CPQ: variants seen among roughly 807,000 people sequenced by gnomAD.
The protein encoded by CPQ is Ser-Met dipeptidase.
A neutral mutation model predicts 45.7 loss-of-function variants in CPQ; 37 were observed. The ratio of observed to expected loss-of-function variants is 0.81; its 90% CI spans 0.62 to 1.07. The LOEUF is 1.07. Among genes scored for constraint, CPQ ranks in the 50% least tolerant of loss-of-function variants. The pLI is 0.00. For missense variants in CPQ, 537 were observed against 572.9 expected, an observed-to-expected ratio of 0.94 and a Z score of 0.64; for synonymous variants, 186 against 205.8, an observed-to-expected ratio of 0.90 and a Z score of 0.82.
intron 7 of CPQ, among the ~76,000 whole-genome samples, chr8:97,117,353 C>T (rs1446309286): frequency 2.0e-5 from 3 of 152,080 alleles, no homozygotes; most frequent in African/African-American, 7.2e-5. Context: ...GAGTGACTAT[C>T]TCATCTCAGT....
rs149894264 is a variant in CPQ at position 96,688,095 on chromosome 8, T to C, written c.-35+42693T>C. 1.4e-3 allele frequency among the ~76,000 whole-genome samples: 219 copies of C among 152,208 alleles called. 1 individual carries two copies. Among genetic ancestry groups the C allele is most frequent in the African/African-American group, 4.8e-3 (200 of 41,534 alleles). The stretch of plus-strand genomic sequence containing the variant: ...ATTTAAGACTTCTGTTTTCTGTAGG[T>C]TTTTCTTTATTGATATTGCTTCTGT... On this transcript the variant is annotated intron_variant, in intron 1 of 7. Coordinates refer to ENST00000220763, the MANE Select transcript of CPQ (RefSeq NM_016134.4).
intron 5 of CPQ, among the ~76,000 whole-genome samples, chr8:96,995,823 T>C (rs1246323688): frequency 1.3e-5 from 2 of 152,016 alleles, no homozygotes; most frequent in African/African-American, 2.4e-5. Context: ...CCTCTCCCTC[T>C]TTCCACCATC....
At chr8:96,938,383 C>G (rs1369616088) in intron 4 of CPQ, among the ~76,000 whole-genome samples, 1 of 152,144 alleles carries the variant, frequency 6.6e-6, no homozygotes, top group Non-Finnish European at 1.5e-5. Context: ...GGTGACAGAG[C>G]AGGACCCTGG....
chr8:96,886,236 A>G (rs1586438633), intron 4 of CPQ, among the ~76,000 whole-genome samples: 1 of 152,156 alleles, frequency 6.6e-6, no homozygotes, highest in African/African-American at 2.4e-5. Context: ...GGGCTAAAGC[A>G]GTCCTCTGGA....
chr8:97,068,218 A>T (rs1810672707), intron 7 of CPQ, among the ~76,000 whole-genome samples: 1 of 152,158 alleles, frequency 6.6e-6, no homozygotes, highest in Admixed American at 6.6e-5. Context: ...GGTTAATTTG[A>T]TTCTTTTCAC....
chr8:97,126,913 A>G (rs765285705), intron 7 of CPQ, among the ~76,000 whole-genome samples: 34 of 152,204 alleles, frequency 2.2e-4, no homozygotes, highest in Admixed American at 1.7e-3. Flanking sequence ...AGGTTATTCA[A>G]CGGGAAAAGG....
At chr8:97,062,901 T>TCTC (rs1810576288) in intron 6 of CPQ, among the ~76,000 whole-genome samples, 1 of 152,222 alleles carries the variant, frequency 6.6e-6, no homozygotes, top group Non-Finnish European at 1.5e-5. Context: ...TGATTCCATG[T>TCTC]CTCTGTTATT....
intron 7 of CPQ, among the ~76,000 whole-genome samples, chr8:97,078,806 T>TCTCTCTCC (rs1810897785): frequency 1.4e-5 from 2 of 138,388 alleles, no homozygotes; most frequent in East Asian, 2.1e-4. Context: ...TCTCTCTCTC[T>TCTCTCTCC]CCCTCTCTCC....
chr8:97,020,198 C>A (rs1247522375), intron 5 of CPQ, among the ~76,000 whole-genome samples: 4 of 151,928 alleles, frequency 2.6e-5, no homozygotes, highest in Non-Finnish European at 4.4e-5. Context: ...GTGACATAAC[C>A]TATCAAAACC....
At chr8:97,019,450 G>A (rs904181173) in intron 5 of CPQ, among the ~76,000 whole-genome samples, 1 of 152,142 alleles carries the variant, frequency 6.6e-6, no homozygotes, top group Non-Finnish European at 1.5e-5. Flanking sequence ...GAATGGATAA[G>A]AATTCACCAA....
chr8:96,791,711 G>A (rs998969417), intron 2 of CPQ, among the ~76,000 whole-genome samples: 12 of 152,168 alleles, frequency 7.9e-5, no homozygotes, highest in Non-Finnish European at 4.4e-5. Flanking sequence ...TGTAAAGTTG[G>A]CGTAACAGGA....
intron 5 of CPQ, among the ~76,000 whole-genome samples, chr8:96,974,681 GA>G (rs1453249338): frequency 5.9e-5 from 9 of 151,926 alleles, no homozygotes; most frequent in Non-Finnish European, 8.8e-5. Flanking sequence ...GACCACAGTG[GA>G]ATAAAATTCG....
intron 1 of CPQ, among the ~76,000 whole-genome samples, chr8:96,673,433 A>G (rs993734218): frequency 6.6e-6 from 1 of 152,152 alleles, no homozygotes; most frequent in Non-Finnish European, 1.5e-5. Flanking sequence ...TTACACCCCT[A>G]TGCAAATGAA....
chr8:96,731,571 A>C (rs1809913511), intron 1 of CPQ, among the ~76,000 whole-genome samples: 1 of 152,310 alleles, frequency 6.6e-6, no homozygotes, highest in South Asian at 2.1e-4. Flanking sequence ...CTGAATGCTA[A>C]GGGAGAAGCC....
chr8:96,730,333 A>G (rs1436697699), intron 1 of CPQ, among the ~76,000 whole-genome samples: 1 of 152,214 alleles, frequency 6.6e-6, no homozygotes, highest in Non-Finnish European at 1.5e-5. Context: ...GTCATAGAAA[A>G]TTCTTAGTGG....
In CPQ at chr8:96,877,116, G is replaced by A. The variant is rs1812156545; in HGVS notation, c.642-2682G>A. 2.0e-5 allele frequency among the ~76,000 whole-genome samples: 3 copies of A among 152,252 alleles called. No individual in the cohort carries two copies. In the South Asian group the frequency reaches 6.2e-4, roughly 32 times the overall value. On this transcript the variant is annotated intron_variant, in intron 3 of 7. Transcript: ENST00000220763. ...AAATGGGGACAGGACGGTGGTGTTT[G>A]TGCTGATTGGTCCCTTTACAATAAT...
intron 2 of CPQ, among the ~76,000 whole-genome samples, chr8:96,801,476 A>G (rs1211482921): frequency 2.6e-5 from 4 of 152,206 alleles, no homozygotes. Context: ...TAATGTAAAT[A>G]CAATGTAAAT....
At chr8:97,012,197 G>T (rs944069585) in intron 5 of CPQ, among the ~76,000 whole-genome samples, 6 of 152,174 alleles carry the variant, frequency 3.9e-5, no homozygotes, top group African/African-American at 1.4e-4. Flanking sequence ...TGCAATGATT[G>T]CGGCATTTAA....
chr8:96,817,105 A>C (rs1811238357), intron 2 of CPQ, among the ~76,000 whole-genome samples: 1 of 152,158 alleles, frequency 6.6e-6, no homozygotes, highest in African/African-American at 2.4e-5. Flanking sequence ...TAGCTATGAA[A>C]GTTCTAGATC....
Sources: gnomAD v4.1 joint callset for allele counts (sites outside exome capture counted in the v4.1 genomes callset) on GRCh38, gnomAD v4.1.1 for gene constraint, MANE v1.5 for transcripts, NCBI Gene and HGNC (gene_info 2026-07-23, HGNC 2026-07-21) for gene names.